The following NDUFA12 variants were observed in gnomAD, a reference collection of about 807,000 sequenced individuals.
The protein encoded by NDUFA12 is NADH dehydrogenase [ubiquinone] 1 alpha subcomplex subunit 12.
Under a neutral mutation model 20.3 loss-of-function variants are expected in NDUFA12, and 17 were observed. That is an observed-to-expected ratio of 0.84 (90% CI 0.57 to 1.26). NDUFA12 has a LOEUF of 1.26. Ranked by LOEUF, NDUFA12 falls within the 50% of genes most tolerant of loss-of-function variation. The probability of loss-of-function intolerance (pLI) is 0.00; values close to 1 mark genes in which losing one functional copy is unlikely to be tolerated. For missense variants in NDUFA12, 191 were observed against 183.7 expected, an observed-to-expected ratio of 1.04 and a Z score of -0.23; for synonymous variants, 72 against 63.6, an observed-to-expected ratio of 1.13 and a Z score of -0.63.
Position 95,002,812 on chromosome 12 carries a change from A to T in NDUFA12, c.96T>A (p.Asp32Glu). Residue 32 changes from aspartate (D) to glutamate (E), a missense_variant, in exon 2 of 4, where the codon GAT becomes GAA. Asp to Glu is a conservative substitution (Grantham distance 45). Coordinates refer to ENST00000327772, the MANE Select transcript of NDUFA12 (RefSeq NM_018838.5). ...GYLRVFFRTN[D>E]AKVGTLVGED... ...CCCCCACTAATGTACCAACCTTCGC[A>T]TCATTTGTCCTGTGAATACCCAAAA... 6.2e-7 allele frequency: 1 copy of T among 1,613,692 alleles called. No individual in the cohort carries two copies. Among genetic ancestry groups the T allele is most frequent in the Non-Finnish European group, 8.5e-7 (1 of 1,179,608 alleles).
intron 3 of NDUFA12, among the ~76,000 whole-genome samples, chr12:94,986,702 G>C (rs1437186113): frequency 6.6e-6 from 1 of 152,082 alleles, no homozygotes; most frequent in African/African-American, 2.4e-5. Flanking sequence ...TGAGGCAGGA[G>C]GATGGCTTAA....
At chr12:94,993,025 A>G (rs1438932923) in intron 3 of NDUFA12, among the ~76,000 whole-genome samples, 2 of 152,236 alleles carry the variant, frequency 1.3e-5, no homozygotes, top group African/African-American at 4.8e-5. Flanking sequence ...GAGATATTCA[A>G]TAAATATTTT....
chr12:94,971,813 C>A, intron 3 of NDUFA12, 193 bp from the exon 4 acceptor site: 1 of 769,070 alleles, frequency 1.3e-6, no homozygotes, highest in East Asian at 2.4e-5. Flanking sequence ...ATGGTATAAA[C>A]ATAAAAGGAG....
intron 3 of NDUFA12, among the ~76,000 whole-genome samples, chr12:94,976,986 TG>T (rs1354463451): frequency 6.6e-6 from 1 of 152,230 alleles, no homozygotes; most frequent in Non-Finnish European, 1.5e-5. Flanking sequence ...CTGCTTATAA[TG>T]AACACATTTT....
intron 3 of NDUFA12, among the ~76,000 whole-genome samples, chr12:94,989,806 ATAAT>A (rs1369423099): frequency 6.6e-6 from 1 of 152,368 alleles, no homozygotes; most frequent in South Asian, 2.1e-4. Flanking sequence ...AATTTTAAAC[ATAAT>A]TAATCGCACA....
At chr12:94,972,532 G>A (rs2136056806) in intron 3 of NDUFA12, 1 of 438,848 alleles carries the variant, frequency 2.3e-6, no homozygotes, top group South Asian at 1.6e-5. Context: ...AAGCATGTGA[G>A]TGTAAACACT....
chr12:94,987,594 A>C (rs1259653142), intron 3 of NDUFA12, among the ~76,000 whole-genome samples: 1 of 152,088 alleles, frequency 6.6e-6, no homozygotes, highest in South Asian at 2.1e-4. Flanking sequence ...TGAGGCCAGG[A>C]GTTCAAGACC....
intron 3 of NDUFA12, among the ~76,000 whole-genome samples, chr12:94,978,836 A>G (rs1874143430): frequency 6.6e-6 from 1 of 152,196 alleles, no homozygotes; most frequent in African/African-American, 2.4e-5. Context: ...TTAATTTTAA[A>G]TCCAAATTGC....
In NDUFA12 at chr12:94,992,548, T is replaced by G. The variant is rs146703183; in HGVS notation, c.257+1622A>C. Among the ~76,000 whole-genome samples the G allele has an allele frequency of 2.4e-3, 370 of 152,330 alleles. 1 individual carries two copies. Among genetic ancestry groups the G allele is most frequent in the Middle Eastern group, 0.01 (3 of 294 alleles). On this transcript the variant is annotated intron_variant, in intron 3 of 3. Coordinates refer to ENST00000327772, the MANE Select transcript of NDUFA12 (RefSeq NM_018838.5). ...AGAGATAGGTTCATGTTTTCTCATG[T>G]AGAACTTGGGTGGAGCTTTCTAATT... is the stretch of plus-strand genomic sequence containing the variant.
chr12:94,985,837 C>A (rs1874416518), intron 3 of NDUFA12, among the ~76,000 whole-genome samples: 1 of 152,022 alleles, frequency 6.6e-6, no homozygotes. Flanking sequence ...GTAATCCCAG[C>A]ACTCTGGGAG....
At chr12:94,974,254 C>T (rs771311244) in intron 3 of NDUFA12, among the ~76,000 whole-genome samples, 5 of 151,862 alleles carry the variant, frequency 3.3e-5, no homozygotes, top group Non-Finnish European at 7.4e-5. Flanking sequence ...TTAAGGCTAC[C>T]GCTCTGGTCC....
At chr12:94,979,721 G>A (rs10745711) in intron 3 of NDUFA12, among the ~76,000 whole-genome samples, 131,934 of 151,714 alleles carry the variant, frequency 0.87, 57,461 homozygotes, top group Admixed American at 0.9. Flanking sequence ...TGTAATCCCA[G>A]CTACCCAGGT....
intron 3 of NDUFA12, among the ~76,000 whole-genome samples, chr12:94,993,338 A>T (rs1342652909): frequency 1.1e-5 from 1 of 89,668 alleles, no homozygotes; most frequent in African/African-American, 3.4e-5. Context: ...AAAATACAAA[A>T]ATTAGGCCGA....
chr12:94,995,219 G>A (rs1157825460), intron 2 of NDUFA12, among the ~76,000 whole-genome samples: 2 of 152,050 alleles, frequency 1.3e-5, no homozygotes, highest in East Asian at 3.8e-4. Context: ...ATTGACTAAC[G>A]GTACTTAAAC....
chr12:94,980,816 G>T (rs998711631), intron 3 of NDUFA12, among the ~76,000 whole-genome samples: 5 of 146,336 alleles, frequency 3.4e-5, no homozygotes, highest in Admixed American at 2.7e-4. Flanking sequence ...GTCTTGCTTT[G>T]TTTTTTTTTT....
chr12:94,986,532 G>A (rs1377083857), intron 3 of NDUFA12, among the ~76,000 whole-genome samples: 10 of 152,014 alleles, frequency 6.6e-5, no homozygotes, highest in East Asian at 1.9e-4. Flanking sequence ...ATGTAAACAT[G>A]TATCAAAACA....
chr12:94,998,286 T>C (rs998533933), intron 2 of NDUFA12, among the ~76,000 whole-genome samples: 8 of 152,144 alleles, frequency 5.3e-5, no homozygotes, highest in Non-Finnish European at 7.4e-5. Flanking sequence ...AACATTCCTG[T>C]ATGATAAAAA....
rs1351700660 is a variant in NDUFA12 at position 94,971,384 on chromosome 12, G to C, written c.*56C>G. ...TTATAGTGAATGGTAAACAGTAAAA[G>C]AGTAATTACATGAAAAGCTCCATAT... On this transcript the variant is annotated 3_prime_UTR_variant, in exon 4 of 4. Coordinates refer to ENST00000327772, the MANE Select transcript of NDUFA12 (RefSeq NM_018838.5). 2.0e-6 allele frequency: 3 copies of C among 1,527,416 alleles called. No individual in the cohort carries two copies. The highest frequency in any genetic ancestry group is 2.7e-6 in the Non-Finnish European group (3 of 1,101,780). The allele number at this position is 1,527,416 out of a possible 1,614,324, so 94.6% of individuals were successfully genotyped here.
At chr12:95,002,462 A>AAAAG (rs1565821054) in intron 2 of NDUFA12, among the ~76,000 whole-genome samples, 1 of 132,798 alleles carries the variant, frequency 7.5e-6, no homozygotes, top group Non-Finnish European at 1.6e-5. Flanking sequence ...AAAAAAAAAA[A>AAAAG]AAGAACAAAA....
Sources: allele counts gnomAD v4.1 joint callset (sites outside exome capture counted in the v4.1 genomes callset), GRCh38; gene constraint gnomAD v4.1.1; transcripts MANE v1.5; gene names NCBI Gene and HGNC (gene_info 2026-07-23, HGNC 2026-07-21).